Variants in NCALD observed in about 807,000 individuals in gnomAD.
NCALD encodes the protein neurocalcin delta, also known as neurocalcin-delta.
In NCALD, 10 loss-of-function variants were observed where a neutral mutation model predicts 18.6. That is an observed-to-expected ratio of 0.54 (90% CI 0.33 to 0.91). NCALD has a LOEUF of 0.91. Among genes scored for constraint, NCALD ranks in the 40% least tolerant of loss-of-function variants. NCALD has a pLI of 0.03. For synonymous variants in NCALD, 88 were observed against 87.4 expected (o/e 1.01, Z -0.04); for missense variants, 184 against 247.6 (o/e 0.74, Z 1.72).
intron 4 of NCALD, among the ~76,000 whole-genome samples, chr8:101,870,599 T>C (rs1399984743): frequency 1.3e-5 from 2 of 152,188 alleles, no homozygotes; most frequent in Non-Finnish European, 2.9e-5. Flanking sequence ...TGCAGTGAAT[T>C]CCCTTCTGGA....
At chr8:101,981,943 C>T (rs1246114272) in intron 2 of NCALD, among the ~76,000 whole-genome samples, 1 of 152,152 alleles carries the variant, frequency 6.6e-6, no homozygotes, top group African/African-American at 2.4e-5. Flanking sequence ...GGATGGATCC[C>T]TATGAATGGC....
At chr8:101,937,460 T>C (rs943098076) in intron 2 of NCALD, among the ~76,000 whole-genome samples, 1 of 152,182 alleles carries the variant, frequency 6.6e-6, no homozygotes, top group Non-Finnish European at 1.5e-5. Flanking sequence ...GTTACTGCAT[T>C]AGTTTGCTAA....
intron 4 of NCALD, among the ~76,000 whole-genome samples, chr8:101,832,336 A>G (rs1351578082): frequency 6.6e-6 from 1 of 152,172 alleles, no homozygotes; most frequent in African/African-American, 2.4e-5. Flanking sequence ...TGCCCAAGGC[A>G]GGGAACTTAG....
At chr8:101,765,052 C>G (rs536065003) in intron 1 of NCALD, among the ~76,000 whole-genome samples, 6 of 152,324 alleles carry the variant, frequency 3.9e-5, no homozygotes, top group African/African-American at 1.4e-4. Flanking sequence ...GTAGGAAGCT[C>G]CTAATCGTAT....
chr8:101,955,073 C>G (rs1485290428), intron 2 of NCALD, among the ~76,000 whole-genome samples: 2 of 152,176 alleles, frequency 1.3e-5, no homozygotes, highest in African/African-American at 4.8e-5. Context: ...AGCCGCCACT[C>G]TCCCCTTCAG....
At chr8:101,912,022 G>A (rs1360844335) in intron 3 of NCALD, among the ~76,000 whole-genome samples, 1 of 152,134 alleles carries the variant, frequency 6.6e-6, no homozygotes, top group African/African-American at 2.4e-5. Flanking sequence ...ATACATTTTT[G>A]AGGTCCTAAA....
intron 1 of NCALD, among the ~76,000 whole-genome samples, chr8:102,049,310 A>G (rs1396804928): frequency 2.0e-5 from 3 of 152,174 alleles, no homozygotes; most frequent in Non-Finnish European, 4.4e-5. Context: ...CCAATCCCCC[A>G]TGGATATCGA....
intron 2 of NCALD, among the ~76,000 whole-genome samples, chr8:101,702,720 G>A (rs538176687): frequency 6.6e-6 from 1 of 152,338 alleles, no homozygotes; most frequent in African/African-American, 2.4e-5. Flanking sequence ...CGGCAGAAGA[G>A]CAAGAGGCTG....
intron 4 of NCALD, among the ~76,000 whole-genome samples, chr8:101,870,686 T>C (rs1815969390): frequency 1.3e-5 from 2 of 152,172 alleles, no homozygotes; most frequent in African/African-American, 4.8e-5. Flanking sequence ...AGCATTGACA[T>C]AGTCTTGAAA....
At chr8:101,731,624 T>C (rs981275939) in intron 1 of NCALD, among the ~76,000 whole-genome samples, 1 of 152,038 alleles carries the variant, frequency 6.6e-6, no homozygotes, top group African/African-American at 2.4e-5. Flanking sequence ...CTTAAAAGAG[T>C]GCACTGTTGT....
chr8:101,917,830 T>G (rs1818023739), intron 2 of NCALD, among the ~76,000 whole-genome samples: 1 of 151,858 alleles, frequency 6.6e-6, no homozygotes, highest in African/African-American at 2.4e-5. Context: ...AAGCAATAAT[T>G]TTTTAAAAAC....
intron 1 of NCALD, among the ~76,000 whole-genome samples, chr8:101,724,451 A>C (rs1816488902): frequency 6.6e-6 from 1 of 152,224 alleles, no homozygotes; most frequent in East Asian, 1.9e-4. Context: ...GCCTGGCTCT[A>C]TTGTTTACTA....
intron 4 of NCALD, among the ~76,000 whole-genome samples, chr8:101,866,426 T>A (rs1586657861): frequency 6.6e-6 from 1 of 152,166 alleles, no homozygotes; most frequent in South Asian, 2.1e-4. Context: ...CAAATTTATA[T>A]CTCCAGTCTG....
At chr8:101,995,045 T>A (rs559811213) in intron 2 of NCALD, among the ~76,000 whole-genome samples, 30 of 152,338 alleles carry the variant, frequency 2.0e-4, no homozygotes, top group Middle Eastern at 3.4e-3. Flanking sequence ...ATAGTTTTTT[T>A]AAAAAGTTTG....
intron 4 of NCALD, among the ~76,000 whole-genome samples, chr8:101,812,421 G>C (rs1176159164): frequency 1.3e-5 from 2 of 152,130 alleles, no homozygotes; most frequent in East Asian, 3.9e-4. Flanking sequence ...CTAAAGAGAA[G>C]TGAGAGCCCA....
At chr8:101,724,830 G>C (rs1327425532) in intron 1 of NCALD, among the ~76,000 whole-genome samples, 2 of 152,134 alleles carry the variant, frequency 1.3e-5, no homozygotes, top group African/African-American at 4.8e-5. Flanking sequence ...GTTGCCCAGT[G>C]GTTTTAGCCC....
intron 1 of NCALD, among the ~76,000 whole-genome samples, chr8:102,087,008 T>A (rs1732160649): frequency 6.6e-6 from 1 of 152,166 alleles, no homozygotes. Context: ...GGGGGAGATA[T>A]GAATAACCCA....
At chr8:101,834,371 G>C (rs542597327) in intron 4 of NCALD, among the ~76,000 whole-genome samples, 1 of 152,370 alleles carries the variant, frequency 6.6e-6, no homozygotes, top group East Asian at 1.9e-4. Flanking sequence ...ATGCGAGCCA[G>C]GCTTCACGTG....
chr8:101,689,431 T>C lies in NCALD; in HGVS notation c.485-25A>G, dbSNP rs751856927. The C allele has an allele frequency of 1.5e-5, 23 of 1,549,468 alleles. No homozygotes were observed. In the South Asian group the frequency reaches 2.7e-4, roughly 18 times the overall value. ...CCTAGGAAGCAAGAGGACAGGTGAGTGGTGGCTGGTGGCAGCTGCATGAGC... is the reference window on the plus strand; with the variant it reads ...CCTAGGAAGCAAGAGGACAGGTGAGCGGTGGCTGGTGGCAGCTGCATGAGC... On this transcript the variant is annotated intron_variant, in intron 3 of 3. Transcript: ENST00000220931. This position sits in a 1 kb window ranked among gnomAD's most constrained non-coding sequence, Gnocchi z 4.4.
Sources: gnomAD v4.1 joint callset for allele counts (sites outside exome capture counted in the v4.1 genomes callset) on GRCh38, gnomAD v4.1.1 for gene constraint, Gnocchi (gnomAD v3.1) non-coding constraint, MANE v1.5 for transcripts, NCBI Gene and HGNC (gene_info 2026-07-23, HGNC 2026-07-21) for gene names.